PHLPP1: variants seen among roughly 807,000 people sequenced by gnomAD.
The protein encoded by PHLPP1 is PH domain and leucine rich repeat protein phosphatase 1.
PHLPP1 carries 42 observed loss-of-function variants against 117.2 expected under a neutral mutation model. That is an observed-to-expected ratio of 0.36 (90% CI 0.28 to 0.46). The LOEUF is 0.46. PHLPP1 is among the 20% of genes least tolerant of loss of function. The pLI, the probability that PHLPP1 is intolerant of heterozygous loss-of-function variation, is 1.00. For missense variants in PHLPP1, 2,084 were observed against 2,241.9 expected (o/e 0.93, Z 1.42); for synonymous variants, 1,042 against 970.7 (o/e 1.07, Z -1.37).
intron 1 of PHLPP1, among the ~76,000 whole-genome samples, chr18:62,760,287 A>G (rs982805919): frequency 6.6e-6 from 1 of 152,210 alleles, no homozygotes; most frequent in African/African-American, 2.4e-5. Flanking sequence ...ATACATACAC[A>G]TGGTCTCCTG....
In PHLPP1 at chr18:62,978,433, G is replaced by A. The variant is rs767991701; in HGVS notation, c.4156G>A (p.Val1386Met). Residue 1386 changes from valine to methionine, a missense_variant, in exon 17 of 17, where the codon GTG becomes ATG. Physicochemically the swap from Val to Met is conservative, Grantham distance 21 (BLOSUM62 1). Coordinates refer to ENST00000262719, the MANE Select transcript of PHLPP1 (RefSeq NM_194449.4). The surrounding 1 kb of genome is among the most constrained non-coding windows in gnomAD (Gnocchi z 7.0). ...GGACAGCCTGTCCGTCGAGGAGGCC[G>A]TGGAAGCCGTGCGCAACGTGCCCGA... Reference protein sequence around the residue: ...LWDSLSVEEAVEAVRNVPDAL... With the variant: ...LWDSLSVEEAMEAVRNVPDAL... 9.9e-6 allele frequency: 16 copies of A among 1,611,486 alleles called. No individual in the cohort carries two copies. Among genetic ancestry groups the A allele is most frequent in the South Asian group, 5.5e-5 (5 of 90,538 alleles).
chr18:62,893,109 T>C (rs1022664609), intron 4 of PHLPP1, among the ~76,000 whole-genome samples: 3 of 151,610 alleles, frequency 2.0e-5, no homozygotes, highest in Admixed American at 6.6e-5. Context: ...AGGCGTGATC[T>C]CGGTTCACCA....
At chr18:62,784,080 G>A (rs62098619) in intron 1 of PHLPP1, among the ~76,000 whole-genome samples, 1 of 151,750 alleles carries the variant, frequency 6.6e-6, no homozygotes, top group African/African-American at 2.4e-5. Flanking sequence ...ACGATGGGGA[G>A]TATTTTGAAG....
chr18:62,905,133 T>G (rs1165538429), intron 7 of PHLPP1, 91 bp from the exon 8 acceptor site: 1 of 637,206 alleles, frequency 1.6e-6, no homozygotes, highest in African/African-American at 1.9e-5. Context: ...CAATAGAGAA[T>G]AAAGCACAGT....
chr18:62,966,351 T>C (rs948725415), intron 14 of PHLPP1, among the ~76,000 whole-genome samples: 2 of 152,112 alleles, frequency 1.3e-5, no homozygotes, highest in African/African-American at 4.8e-5. Context: ...ATCTGGTATG[T>C]AGCCATGATA....
At chr18:62,815,410 C>T (rs1489926895) in intron 1 of PHLPP1, among the ~76,000 whole-genome samples, 1 of 152,100 alleles carries the variant, frequency 6.6e-6, no homozygotes, top group East Asian at 1.9e-4. Flanking sequence ...CCTGCCTCAG[C>T]CTCCCAAAAG....
At chr18:62,959,580 G>A (rs1229656380) in intron 13 of PHLPP1, among the ~76,000 whole-genome samples, 1 of 152,032 alleles carries the variant, frequency 6.6e-6, no homozygotes, top group African/African-American at 2.4e-5. Context: ...ATTTTTTGGG[G>A]TATATCAGTA....
chr18:62,806,408 C>T (rs1913954074), intron 1 of PHLPP1, among the ~76,000 whole-genome samples: 1 of 152,168 alleles, frequency 6.6e-6, no homozygotes, highest in Admixed American at 6.5e-5. Context: ...CTCCTGCTTT[C>T]CTGATTTTTC....
chr18:62,875,314 T>C (rs1916020251), intron 4 of PHLPP1, among the ~76,000 whole-genome samples: 1 of 152,182 alleles, frequency 6.6e-6, no homozygotes, highest in Admixed American at 6.5e-5. Flanking sequence ...AAAAAAAGTA[T>C]ACCACCAGCG....
intron 1 of PHLPP1, among the ~76,000 whole-genome samples, chr18:62,766,060 C>CAAAAAAAAAAAAA (rs1168861892): frequency 2.6e-4 from 4 of 15,234 alleles, no homozygotes; most frequent in African/African-American, 7.0e-4. Context: ...GACTCCATCT[C>CAAAAAAAAAAAAA]AAAAAAAAAA....
chr18:62,882,354 T>C (rs895157911), intron 4 of PHLPP1, among the ~76,000 whole-genome samples: 4 of 151,854 alleles, frequency 2.6e-5, no homozygotes, highest in African/African-American at 9.7e-5. Flanking sequence ...CTGCAAGCTC[T>C]GCCTCCCAGG....
intron 10 of PHLPP1, among the ~76,000 whole-genome samples, chr18:62,938,375 T>A (rs1402692702): frequency 6.6e-6 from 1 of 152,194 alleles, no homozygotes; most frequent in Non-Finnish European, 1.5e-5. Flanking sequence ...GGAGAAACTT[T>A]GCAAAACTAA....
At chr18:62,895,307 G>A in intron 5 of PHLPP1, 150 bp downstream of exon 5, 1 of 717,152 alleles carries the variant, frequency 1.4e-6, no homozygotes, top group Non-Finnish European at 2.2e-6. Context: ...TAGTCCGTAT[G>A]GAGTTCATAT....
At chr18:62,853,186 C>A (rs1350823561) in intron 3 of PHLPP1, among the ~76,000 whole-genome samples, 2 of 152,114 alleles carry the variant, frequency 1.3e-5, no homozygotes, top group Non-Finnish European at 2.9e-5. Context: ...AATGAACCCT[C>A]CTTCCCTTAT....
intron 9 of PHLPP1, among the ~76,000 whole-genome samples, chr18:62,916,717 ATCTTT>A (rs978288203): frequency 3.4e-5 from 4 of 119,000 alleles, no homozygotes; most frequent in Non-Finnish European, 7.4e-5. Context: ...TTTTTACCTT[ATCTTT>A]TCTTCTATTT....
chr18:62,868,546 T>C lies in PHLPP1; in HGVS notation c.2066+7945T>C, dbSNP rs866257928. 9.5e-5 allele frequency among the ~76,000 whole-genome samples: 14 copies of C among 148,116 alleles called. No individual in the cohort carries two copies. In the South Asian group the frequency reaches 1.1e-3, roughly 11 times the overall value. ...CTAAGGCAAGAGAATCGCTTGAACC[T>C]GGGAGGCAGAGGTTGCAGTGAGCTG... On this transcript the variant is annotated intron_variant, in intron 4 of 16. Transcript: ENST00000262719.
At chr18:62,736,324 G>A (rs574570828) in intron 1 of PHLPP1, among the ~76,000 whole-genome samples, 7 of 152,322 alleles carry the variant, frequency 4.6e-5, no homozygotes, top group South Asian at 4.1e-4. Flanking sequence ...TGCATGGTGG[G>A]AGTGGGAGAG....
At chr18:62,746,818 A>G (rs1191092968) in intron 1 of PHLPP1, among the ~76,000 whole-genome samples, 1 of 152,102 alleles carries the variant, frequency 6.6e-6, no homozygotes, top group Non-Finnish European at 1.5e-5. Flanking sequence ...ACTAAAAAAA[A>G]GTTTGCTGGT....
intron 1 of PHLPP1, among the ~76,000 whole-genome samples, chr18:62,728,679 T>C (rs913226130): frequency 5.5e-4 from 84 of 152,084 alleles, no homozygotes; most frequent in African/African-American, 2.0e-3. Context: ...TGGGTACTTT[T>C]TGTATTTTCA....
Sources: gnomAD v4.1 joint callset for allele counts (sites outside exome capture counted in the v4.1 genomes callset) on GRCh38, gnomAD v4.1.1 for gene constraint, Gnocchi (gnomAD v3.1) non-coding constraint, MANE v1.5 for transcripts, NCBI Gene and HGNC (gene_info 2026-07-23, HGNC 2026-07-21) for gene names.